ASB5: variants seen among roughly 807,000 people sequenced by gnomAD.
The protein encoded by ASB5 is ankyrin repeat and SOCS box protein 5.
Under a neutral mutation model 42.1 loss-of-function variants are expected in ASB5, and 45 were observed. That is an observed-to-expected ratio of 1.07 (90% CI 0.84 to 1.37). The LOEUF (loss-of-function observed/expected upper bound fraction) is 1.37, where lower values mean the gene tolerates loss of function less well. Ranked by LOEUF, ASB5 falls within the 40% of genes most tolerant of loss-of-function variation. ASB5 has a pLI of 0.00. For missense variants in ASB5, 402 were observed against 399.8 expected, an observed-to-expected ratio of 1.01 and a Z score of -0.05; for synonymous variants, 147 against 150.6, an observed-to-expected ratio of 0.98 and a Z score of 0.18.
intron 1 of ASB5, among the ~76,000 whole-genome samples, chr4:176,250,207 A>G (rs1276066806): frequency 6.6e-6 from 1 of 152,176 alleles, no homozygotes; most frequent in Non-Finnish European, 1.5e-5. Flanking sequence ...GGTCAAGTAC[A>G]TTTACGTTCT....
At chr4:176,269,975 T>C (rs183771070), upstream of ASB5, among the ~76,000 whole-genome samples, 5 of 152,344 alleles carry the variant, frequency 3.3e-5, no homozygotes, top group East Asian at 9.6e-4. Flanking sequence ...TCATCAAGAC[T>C]GTCCAAAACC....
In ASB5 at chr4:176,236,750, TTC is replaced by T. The variant is rs777922372; in HGVS notation, c.197-11411_197-11410del. 3.3e-5 allele frequency among the ~76,000 whole-genome samples: 5 copies of T among 152,296 alleles called. No individual in the cohort carries two copies. The East Asian group carries it at 7.7e-4, about 24-fold the overall frequency. On this transcript the variant is annotated intron_variant, in intron 1 of 6. Transcript: ENST00000296525. ...AAATTTATCATCTATCATACTGGTGTTCTACTAAAACTTATGCAAATGTATGG... is the reference window on the plus strand; with the variant it reads ...AAATTTATCATCTATCATACTGGTGTTACTAAAACTTATGCAAATGTATGG...
chr4:176,218,811 TATAA>T lies in ASB5; in HGVS notation c.671-1806_671-1803del, dbSNP rs1327504242. 6.4e-5 allele frequency among the ~76,000 whole-genome samples: 3 copies of T among 46,782 alleles called. No homozygotes were observed. The South Asian group carries it at 1.8e-3, about 29-fold the overall frequency. The allele number at this position is 46,782 out of a possible 152,430, so 30.7% of individuals were successfully genotyped here. On this transcript the variant is annotated intron_variant, in intron 5 of 6. Coordinates refer to ENST00000296525, the MANE Select transcript of ASB5 (RefSeq NM_080874.4). ...TATAAATATATATATTTGTATGATA[TATAA>T]ATATATATGTATGATATATAAATAT...
At chr4:176,227,468 T>C (rs1338339622) in intron 1 of ASB5, among the ~76,000 whole-genome samples, 1 of 152,160 alleles carries the variant, frequency 6.6e-6, no homozygotes, top group Non-Finnish European at 1.5e-5. Flanking sequence ...AATCTTAACA[T>C]TGAGAAAAAC....
At chr4:176,245,734 C>A (rs1753898540) in intron 1 of ASB5, among the ~76,000 whole-genome samples, 1 of 152,160 alleles carries the variant, frequency 6.6e-6, no homozygotes. Flanking sequence ...AGGATGAGTT[C>A]ATGTCCTTTG....
chr4:176,259,022 G>T (rs1171444074), intron 1 of ASB5, among the ~76,000 whole-genome samples: 1 of 151,946 alleles, frequency 6.6e-6, no homozygotes, highest in Non-Finnish European at 1.5e-5. Context: ...TTGAGTAATG[G>T]TAAGTAGCCA....
chr4:176,241,544 G>T (rs1050473457), intron 1 of ASB5: 22 of 1,528,076 alleles, frequency 1.4e-5, no homozygotes, highest in Non-Finnish European at 1.8e-5. Context: ...GCTGCTTTGG[G>T]TTTCTTTACA....
rs138242941 is a variant in ASB5 at position 176,267,047 on chromosome 4, C to G, written c.196+1866G>C. The stretch of plus-strand genomic sequence containing the variant: ...GGCCTCCTCTAAAACTCTTTTCAAC[C>G]CACAAAAATGTTTCTTCTGTTTAGG... On this transcript the variant is annotated intron_variant, in intron 1 of 6. Coordinates refer to ENST00000296525, the MANE Select transcript of ASB5 (RefSeq NM_080874.4). Among the ~76,000 whole-genome samples the G allele has an allele frequency of 6.0e-4, 92 of 152,092 alleles. No individual in the cohort carries two copies. The East Asian group carries it at 0.015, about 25-fold the overall frequency.
intron 1 of ASB5, chr4:176,241,506 G>C (rs1424346070): frequency 6.5e-7 from 1 of 1,535,424 alleles, no homozygotes; most frequent in Non-Finnish European, 8.7e-7. Context: ...CATCTGGAAG[G>C]GGCCATTATT....
intron 1 of ASB5, among the ~76,000 whole-genome samples, chr4:176,231,220 T>A (rs1034352912): frequency 1.2e-5 from 1 of 85,792 alleles, no homozygotes; most frequent in Non-Finnish European, 2.4e-5. Context: ...TAAATCCGAC[T>A]CATAATTTTT....
exon 2 of ASB5, chr4:176,275,873 C>T (rs1473204397): frequency 1.3e-5 from 2 of 152,170 alleles, no homozygotes; most frequent in East Asian, 1.9e-4. Flanking sequence ...CCCACTGCAG[C>T]GAGGCAAGCA....
intron 5 of ASB5, among the ~76,000 whole-genome samples, chr4:176,220,698 G>A (rs1172838241): frequency 1.3e-5 from 2 of 152,182 alleles, no homozygotes; most frequent in Admixed American, 1.3e-4. Flanking sequence ...AGGACAGAAA[G>A]TACAAAGTCT....
chr4:176,249,984 T>G (rs1214835326), intron 1 of ASB5, among the ~76,000 whole-genome samples: 69 of 148,802 alleles, frequency 4.6e-4, no homozygotes, highest in Non-Finnish European at 7.6e-4. Context: ...AGAATGACAT[T>G]AACCCGGGAG....
intron 1 of ASB5, among the ~76,000 whole-genome samples, chr4:176,241,094 A>G (rs1305196170): frequency 6.6e-6 from 1 of 152,210 alleles, no homozygotes; most frequent in Non-Finnish European, 1.5e-5. Flanking sequence ...TTCATCCATA[A>G]ATATTTTAGT....
chr4:176,265,380 C>G (rs1291185116), intron 1 of ASB5, among the ~76,000 whole-genome samples: 1 of 152,154 alleles, frequency 6.6e-6, no homozygotes, highest in Non-Finnish European at 1.5e-5. Context: ...AGTCATTTGG[C>G]AGTGAGTGTT....
chr4:176,215,804 C>T, intron 6 of ASB5, 77 bp from the exon 7 acceptor site: 1 of 1,383,350 alleles, frequency 7.2e-7, no homozygotes, highest in Non-Finnish European at 9.8e-7. Context: ...TAACATAAAA[C>T]CATAAAAACT....
intron 1 of ASB5, among the ~76,000 whole-genome samples, chr4:176,249,006 G>C (rs182536575): frequency 6.2e-4 from 94 of 152,230 alleles, no homozygotes; most frequent in African/African-American, 2.2e-3. Flanking sequence ...TTGTTCTGTC[G>C]CCCAGGCTAG....
intron 1 of ASB5, among the ~76,000 whole-genome samples, chr4:176,261,992 A>G (rs1418851567): frequency 6.6e-6 from 1 of 151,726 alleles, no homozygotes; most frequent in African/African-American, 2.4e-5. Flanking sequence ...GTATATGTGC[A>G]TGTAGTACAC....
At chr4:176,274,039 T>C (rs369776686), upstream of ASB5, among the ~76,000 whole-genome samples, 155 of 152,318 alleles carry the variant, frequency 1.0e-3, no homozygotes, top group African/African-American at 3.6e-3. Flanking sequence ...TTTCTGGGAC[T>C]TCTGCTGGAG....
Sources: gnomAD v4.1 joint callset for allele counts (sites outside exome capture counted in the v4.1 genomes callset) on GRCh38, gnomAD v4.1.1 for gene constraint, MANE v1.5 for transcripts, NCBI Gene and HGNC (gene_info 2026-07-23, HGNC 2026-07-21) for gene names.